The following PTPRD variants were observed in gnomAD, a reference collection of about 807,000 sequenced individuals.
PTPRD encodes the protein protein tyrosine phosphatase receptor type D.
PTPRD carries 34 observed loss-of-function variants against 214.5 expected under a neutral mutation model. The observed-to-expected ratio is 0.16, with a 90% CI of 0.12 to 0.21. The LOEUF (loss-of-function observed/expected upper bound fraction) is 0.21. Among genes scored for constraint, PTPRD ranks in the 10% least tolerant of loss-of-function variants. The pLI is 1.00. For missense variants in PTPRD, 2,545 were observed against 2,398.7 expected, an observed-to-expected ratio of 1.06 and a Z score of -1.27; for synonymous variants, 1,128 against 845.7, an observed-to-expected ratio of 1.33 and a Z score of -5.79.
intron 14 of PTPRD, among the ~76,000 whole-genome samples, chr9:8,536,780 T>A (rs1238479416): frequency 6.6e-6 from 1 of 152,016 alleles, no homozygotes; most frequent in African/African-American, 2.4e-5. Flanking sequence ...CCTATGACTT[T>A]GGGCCACAAG....
chr9:10,377,770 C>T (rs931466643), intron 2 of PTPRD, among the ~76,000 whole-genome samples: 4 of 151,942 alleles, frequency 2.6e-5, no homozygotes, highest in African/African-American at 9.7e-5. Context: ...ACTGGTTCAA[C>T]CATTGTGGAA....
At chr9:10,338,153 A>T (rs2096875948) in intron 3 of PTPRD, among the ~76,000 whole-genome samples, 1 of 151,648 alleles carries the variant, frequency 6.6e-6, no homozygotes, top group Non-Finnish European at 1.5e-5. Context: ...TCTTGCTAGC[A>T]GTATCAAAGT....
intron 36 of PTPRD, among the ~76,000 whole-genome samples, chr9:8,396,499 G>A (rs995578372): frequency 2.7e-5 from 4 of 150,898 alleles, no homozygotes; most frequent in African/African-American, 9.8e-5. Context: ...AGAGTAAGCT[G>A]CATAGATGTA....
At chr9:10,028,428 T>C (rs1476136665) in intron 4 of PTPRD, among the ~76,000 whole-genome samples, 1 of 152,188 alleles carries the variant, frequency 6.6e-6, no homozygotes, top group Non-Finnish European at 1.5e-5. Context: ...AGGCAGAGGT[T>C]GCAACAGTTT....
intron 3 of PTPRD, among the ~76,000 whole-genome samples, chr9:10,254,192 G>C (rs2093041477): frequency 2.0e-5 from 3 of 152,038 alleles, no homozygotes; most frequent in African/African-American, 7.2e-5. Context: ...ATTTATAAGT[G>C]GATATTTATT....
At chr9:8,871,403 T>C (rs1047443057) in intron 11 of PTPRD, among the ~76,000 whole-genome samples, 2 of 152,172 alleles carry the variant, frequency 1.3e-5, no homozygotes, top group Non-Finnish European at 2.9e-5. Context: ...CTACTTAAGA[T>C]TCAATGGAGT....
intron 5 of PTPRD, among the ~76,000 whole-genome samples, chr9:9,882,631 G>C (rs929628763): frequency 4.6e-5 from 7 of 152,134 alleles, no homozygotes; most frequent in Non-Finnish European, 1.0e-4. Context: ...CCCACTGTAA[G>C]GTGGATAGCA....
intron 10 of PTPRD, among the ~76,000 whole-genome samples, chr9:9,058,456 T>C (rs1463084352): frequency 2.7e-5 from 3 of 109,164 alleles, no homozygotes; most frequent in African/African-American, 8.7e-5. Flanking sequence ...TTTTTTTTTT[T>C]TTTTTTTTTT....
rs557646335 is a variant in PTPRD, at chr9:9,629,101, G to T, written c.-286-54320C>A. On this transcript the variant is annotated intron_variant, in intron 7 of 45. Transcript: ENST00000381196. ...AGGCAGGAGAATCACTTGAACCCGG[G>T]AGGCGGAGGTTGCAGTGAGCCAAGA... 4.0e-5 allele frequency among the ~76,000 whole-genome samples: 6 copies of T among 151,832 alleles called. No individual in the cohort carries two copies. The South Asian group carries it at 1.0e-3, about 26-fold the overall frequency.
In PTPRD at chr9:8,953,051, C is replaced by T. The variant is rs374495923; in HGVS notation, c.-104+65646G>A. 8.6e-5 allele frequency among the ~76,000 whole-genome samples: 13 copies of T among 151,662 alleles called. No individual in the cohort carries two copies. In the East Asian group the frequency reaches 9.7e-4, roughly 11 times the overall value. ...CCAACAATTTTATAATATAAAGCAA[C>T]GAATTATATTTTAGAATAGTTTTTT... On this transcript the variant is annotated intron_variant, in intron 11 of 45. Transcript: ENST00000381196.
chr9:8,755,156 A>T (rs1598809365), intron 11 of PTPRD, among the ~76,000 whole-genome samples: 1 of 151,850 alleles, frequency 6.6e-6, no homozygotes, highest in African/African-American at 2.4e-5. Context: ...CTAAACATAT[A>T]CCTACCACAT....
At chr9:9,914,882 C>T (rs1316300081) in intron 5 of PTPRD, among the ~76,000 whole-genome samples, 2 of 152,240 alleles carry the variant, frequency 1.3e-5, no homozygotes, top group African/African-American at 2.4e-5. Context: ...CCACAGGCTG[C>T]CCTTGGAAGA....
intron 2 of PTPRD, among the ~76,000 whole-genome samples, chr9:10,593,706 T>G (rs2076023943): frequency 6.6e-6 from 1 of 151,976 alleles, no homozygotes; most frequent in African/African-American, 2.4e-5. Flanking sequence ...GCAGACAACA[T>G]TTTTTATCTT....
At chr9:9,520,097 C>G (rs1028994386) in intron 8 of PTPRD, among the ~76,000 whole-genome samples, 4 of 151,728 alleles carry the variant, frequency 2.6e-5, no homozygotes, top group Non-Finnish European at 5.9e-5. Flanking sequence ...GTTTTTGTAC[C>G]TACTCGTACA....
chr9:10,290,760 A>G (rs1236614728), intron 3 of PTPRD, among the ~76,000 whole-genome samples: 2 of 152,148 alleles, frequency 1.3e-5, no homozygotes, highest in African/African-American at 4.8e-5. Flanking sequence ...ATAATAAAGT[A>G]TAATAAATAA....
chr9:9,278,274 A>G (rs1030315376), intron 9 of PTPRD, among the ~76,000 whole-genome samples: 4 of 151,260 alleles, frequency 2.6e-5, no homozygotes, highest in African/African-American at 9.7e-5. Context: ...ATAGACTGGC[A>G]TTTTCAGAAT....
At chr9:10,132,924 C>A (rs2154259725) in intron 3 of PTPRD, among the ~76,000 whole-genome samples, 1 of 149,136 alleles carries the variant, frequency 6.7e-6, no homozygotes, top group South Asian at 2.2e-4. Flanking sequence ...CAATAGGATA[C>A]AACAGAAGTG....
chr9:9,098,074 T>C (rs1438890893), intron 10 of PTPRD, among the ~76,000 whole-genome samples: 2 of 151,688 alleles, frequency 1.3e-5, no homozygotes, highest in African/African-American at 4.8e-5. Context: ...TCAAAGTAAA[T>C]ATATTTATAT....
At chr9:9,653,330 C>T (rs1360467174) in intron 7 of PTPRD, among the ~76,000 whole-genome samples, 3 of 101,470 alleles carry the variant, frequency 3.0e-5, no homozygotes, top group African/African-American at 4.1e-5. Flanking sequence ...GCCTGGGCGA[C>T]AGAGCGAGAC....
Sources: gnomAD v4.1 joint callset for allele counts (sites outside exome capture counted in the v4.1 genomes callset) on GRCh38, gnomAD v4.1.1 for gene constraint, MANE v1.5 for transcripts, NCBI Gene and HGNC (gene_info 2026-07-23, HGNC 2026-07-21) for gene names.